UGGT2: variants seen among roughly 807,000 people sequenced by gnomAD.
UGGT2 encodes the protein UDP-glucose glycoprotein glucosyltransferase 2.
UGGT2 carries 180 observed loss-of-function variants against 192.1 expected under a neutral mutation model. The ratio of observed to expected loss-of-function variants is 0.94; its 90% CI spans 0.83 to 1.06. UGGT2 has a LOEUF of 1.06. Among genes scored for constraint, UGGT2 ranks in the 50% least tolerant of loss-of-function variants. UGGT2 has a pLI of 0.00. For synonymous variants in UGGT2, 580 were observed against 591.0 expected, an observed-to-expected ratio of 0.98 and a Z score of 0.27; for missense variants, 1,849 against 1,795.7, an observed-to-expected ratio of 1.03 and a Z score of -0.54.
intron 12 of UGGT2, among the ~76,000 whole-genome samples, chr13:95,968,153 G>C (rs1181945034): frequency 6.6e-6 from 1 of 151,966 alleles, no homozygotes; most frequent in Non-Finnish European, 1.5e-5. Flanking sequence ...CATTAAAAAT[G>C]ATGTTTTTTG....
chr13:95,902,151 T>G (rs925184151), intron 21 of UGGT2, among the ~76,000 whole-genome samples: 1 of 152,126 alleles, frequency 6.6e-6, no homozygotes, highest in Admixed American at 6.6e-5. Flanking sequence ...TCACTTTGAA[T>G]TTATTGTCAT....
intron 17 of UGGT2, among the ~76,000 whole-genome samples, chr13:95,933,962 G>A (rs1306079389): frequency 6.6e-6 from 1 of 152,178 alleles, no homozygotes; most frequent in Non-Finnish European, 1.5e-5. Flanking sequence ...GGGATTACAG[G>A]CGTGAGCCAC....
Position 95,934,876 on chromosome 13 carries a change from T to G in UGGT2, c.1977+2048A>C, listed in dbSNP as rs145681133. 6.6e-3 allele frequency among the ~76,000 whole-genome samples: 1,006 copies of G among 152,322 alleles called. 5 individuals are homozygous for G. Among genetic ancestry groups the G allele is most frequent in the Non-Finnish European group, 9.9e-3 (676 of 68,026 alleles). On this transcript the variant is annotated intron_variant, in intron 17 of 38. Transcript: ENST00000376747. ...CAGTGGGTGAGTTGAAGTCTCCCAC[T>G]ATTATTGCGCAGCTGCCTTAAGATT... is the stretch of plus-strand genomic sequence containing the variant.
chr13:96,047,871 C>T (rs1222735510), intron 1 of UGGT2, among the ~76,000 whole-genome samples: 4 of 151,740 alleles, frequency 2.6e-5, no homozygotes, highest in Non-Finnish European at 5.9e-5. Context: ...ATTTAGACTC[C>T]CACACAATAA....
At chr13:95,985,210 G>T in intron 9 of UGGT2, 1 of 1,044,818 alleles carries the variant, frequency 9.6e-7, no homozygotes, top group South Asian at 1.5e-5. Flanking sequence ...AAAATATTAT[G>T]GCTAAACAGA....
intron 20 of UGGT2, among the ~76,000 whole-genome samples, chr13:95,916,718 T>C (rs1051769216): frequency 6.6e-6 from 1 of 151,898 alleles, no homozygotes; most frequent in African/African-American, 2.4e-5. Flanking sequence ...AATGACCTGA[T>C]GGAGCTGAAA....
chr13:95,914,013 C>T (rs2048592480), intron 20 of UGGT2, among the ~76,000 whole-genome samples: 3 of 152,066 alleles, frequency 2.0e-5, no homozygotes, highest in Non-Finnish European at 2.9e-5. Context: ...TGTTCTCACT[C>T]ATAGGTGGGA....
chr13:95,948,111 T>C (rs1256397979), intron 13 of UGGT2, 30 bp from the exon 14 acceptor site: 1 of 1,552,638 alleles, frequency 6.4e-7, no homozygotes, highest in Admixed American at 1.7e-5. Context: ...TATCACTATT[T>C]CAACACCTTA....
chr13:95,947,283 TAGAC>T (rs1158306967), intron 14 of UGGT2, 111 bp from the exon 15 acceptor site: 19 of 1,148,222 alleles, frequency 1.7e-5, no homozygotes, highest in Non-Finnish European at 2.3e-5. Context: ...AATGTATTAA[TAGAC>T]AGAGAAAAGG....
intron 6 of UGGT2, among the ~76,000 whole-genome samples, chr13:95,998,932 T>C (rs1043644854): frequency 3.9e-5 from 6 of 152,190 alleles, no homozygotes; most frequent in African/African-American, 1.4e-4. Context: ...ACATATACTA[T>C]CAATTGTTAC....
intron 38 of UGGT2, 116 bp from the exon 39 acceptor site, chr13:95,801,928 G>C: frequency 8.7e-7 from 1 of 1,146,608 alleles, no homozygotes. Flanking sequence ...TTATTTGCTA[G>C]TTCAGTACCT....
chr13:95,883,865 A>C (rs2047563560), intron 27 of UGGT2, among the ~76,000 whole-genome samples: 1 of 152,226 alleles, frequency 6.6e-6, no homozygotes, highest in Non-Finnish European at 1.5e-5. Flanking sequence ...CAACGTTTAA[A>C]AGACTCAGTT....
intron 1 of UGGT2, among the ~76,000 whole-genome samples, chr13:96,045,185 G>T (rs138455145): frequency 6.6e-6 from 1 of 152,020 alleles, no homozygotes; most frequent in East Asian, 1.9e-4. Context: ...TTTAATATAG[G>T]CAAGTCAATA....
chr13:96,028,733 A>C (rs1005267420), intron 2 of UGGT2, among the ~76,000 whole-genome samples: 2 of 152,224 alleles, frequency 1.3e-5, no homozygotes, highest in African/African-American at 4.8e-5. Flanking sequence ...TCACTAAGAC[A>C]TGCTTTAGTA....
intron 33 of UGGT2, chr13:95,856,804 A>G (rs1171487597): frequency 8.6e-6 from 2 of 232,250 alleles, no homozygotes; most frequent in Non-Finnish European, 1.7e-5. Flanking sequence ...TAGATTCTAT[A>G]CAGGAGCTTC....
intron 22 of UGGT2, among the ~76,000 whole-genome samples, chr13:95,896,734 A>G (rs935961037): frequency 6.6e-6 from 1 of 152,136 alleles, no homozygotes; most frequent in Non-Finnish European, 1.5e-5. Flanking sequence ...TTCTATTTAA[A>G]GCTGAAAATT....
intron 5 of UGGT2, among the ~76,000 whole-genome samples, chr13:96,001,092 T>C (rs2051785998): frequency 6.6e-6 from 1 of 152,226 alleles, no homozygotes; most frequent in Non-Finnish European, 1.5e-5. Context: ...TCACATTCTC[T>C]ATGTCAGGCC....
chr13:95,969,898 T>C (rs1462473477), intron 12 of UGGT2, among the ~76,000 whole-genome samples: 1 of 152,184 alleles, frequency 6.6e-6, no homozygotes, highest in African/African-American at 2.4e-5. Context: ...CTGAATGAGA[T>C]TGAGTAGGTA....
intron 20 of UGGT2, among the ~76,000 whole-genome samples, chr13:95,918,308 A>T (rs1470776838): frequency 6.6e-6 from 1 of 152,226 alleles, no homozygotes; most frequent in Non-Finnish European, 1.5e-5. Flanking sequence ...TTAAGGCAGA[A>T]ATCAAGAATT....
Sources: gnomAD v4.1 joint callset for allele counts (sites outside exome capture counted in the v4.1 genomes callset) on GRCh38, gnomAD v4.1.1 for gene constraint, MANE v1.5 for transcripts, NCBI Gene and HGNC (gene_info 2026-07-23, HGNC 2026-07-21) for gene names.